The following RC3H2 variants were observed in gnomAD, a reference collection of about 807,000 sequenced individuals.
RC3H2 encodes the protein roquin-2.
RC3H2 carries 31 observed loss-of-function variants against 133.3 expected under a neutral mutation model. That is an observed-to-expected ratio of 0.23 (90% CI 0.17 to 0.31). The LOEUF (loss-of-function observed/expected upper bound fraction) is 0.31. Among genes scored for constraint, RC3H2 ranks in the 10% least tolerant of loss-of-function variants. RC3H2 has a pLI of 1.00. For missense variants in RC3H2, 1,175 were observed against 1,437.2 expected (o/e 0.82, Z 2.95); for synonymous variants, 517 against 502.2 (o/e 1.03, Z -0.40).
chr9:122,890,691 CTGTT>C (rs1463129912), intron 3 of RC3H2, 146 bp from the exon 4 acceptor site: 5 of 643,818 alleles, frequency 7.8e-6, no homozygotes, highest in Non-Finnish European at 1.3e-5. Flanking sequence ...TATTCTGTCT[CTGTT>C]TGTTATTATT....
In RC3H2 at chr9:122,858,994, G is replaced by C. The variant is rs373218840; in HGVS notation, c.1958C>G (p.Pro653Arg). The change falls in exon 12 of 21, where the codon CCA becomes CGA. Residue 653 changes from proline (P) to arginine (R), a missense_variant. Coordinates refer to ENST00000357244, the MANE Select transcript of RC3H2 (RefSeq NM_001100588.3). ...PESSLPPASM[P>R]YADHYSTFSP... ...AAATGTACTGTAATGATCGGCATATGGCATGGAAGCAGGTGGGAGGGAGGA... is the reference window on the plus strand; with the variant it reads ...AAATGTACTGTAATGATCGGCATATCGCATGGAAGCAGGTGGGAGGGAGGA... 1.6e-5 allele frequency: 26 copies of C among 1,614,124 alleles called. No homozygotes were observed. The highest frequency in any genetic ancestry group is 2.1e-5 in the Non-Finnish European group (25 of 1,179,964).
intron 9 of RC3H2, chr9:122,874,847 T>C (rs922945043): frequency 1.5e-5 from 3 of 196,900 alleles, no homozygotes; most frequent in Admixed American, 5.5e-5. Context: ...ACTGCTACTA[T>C]TACAAGTCTG....
intron 4 of RC3H2, among the ~76,000 whole-genome samples, chr9:122,886,044 T>G (rs567507516): frequency 1.3e-5 from 2 of 152,268 alleles, no homozygotes; most frequent in East Asian, 3.9e-4. Context: ...TGCACCACCA[T>G]GCCCAGCTAA....
intron 8 of RC3H2, among the ~76,000 whole-genome samples, chr9:122,878,165 T>G (rs1313982810): frequency 6.6e-6 from 1 of 152,170 alleles, no homozygotes; most frequent in Non-Finnish European, 1.5e-5. Flanking sequence ...TGAAAACATT[T>G]GTTTTTAATA....
At chr9:122,899,370 G>A (rs1003165806) in intron 1 of RC3H2, among the ~76,000 whole-genome samples, 2 of 151,994 alleles carry the variant, frequency 1.3e-5, no homozygotes, top group South Asian at 2.1e-4. Context: ...GATTGCAGGC[G>A]TGAGCCACCG....
chr9:122,852,472 G>A (rs929088550), intron 18 of RC3H2, among the ~76,000 whole-genome samples: 4 of 138,960 alleles, frequency 2.9e-5, no homozygotes, highest in African/African-American at 5.4e-5. Context: ...CTGCCCGGCC[G>A]CCCCTACTGG....
At position 122,865,431 on chromosome 9, in the gene RC3H2, G is replaced by C. The variant is rs1332923655; in HGVS notation, c.1552C>G (p.Leu518Val). 1.9e-6 allele frequency: 3 copies of C among 1,614,090 alleles called. No individual in the cohort carries two copies. In the East Asian group the frequency reaches 6.7e-5, roughly 36 times the overall value. ...SRSTDSTLRALETVKKVGKVG... is the reference protein window; with the variant it reads ...SRSTDSTLRAVETVKKVGKVG... ...TTTCCCACTTTCTTCACGGTCTCCAGAGCTCTTAAGGTACTGTCAGTACTA... is the reference window on the plus strand; with the variant it reads ...TTTCCCACTTTCTTCACGGTCTCCACAGCTCTTAAGGTACTGTCAGTACTA... Residue 518 changes from leucine (L) to valine (V), a missense_variant, in exon 10 of 21, where the codon CTG becomes GTG. Physicochemically the swap from Leu to Val is conservative, Grantham distance 32. Transcript: ENST00000357244.
chr9:122,894,367 G>A (rs1039085650), intron 2 of RC3H2, among the ~76,000 whole-genome samples: 5 of 152,120 alleles, frequency 3.3e-5, no homozygotes, highest in African/African-American at 1.2e-4. Context: ...GAGCAAAACA[G>A]ACAAAATGTT....
intron 10 of RC3H2, among the ~76,000 whole-genome samples, chr9:122,861,430 T>C (rs1830450519): frequency 7.0e-6 from 1 of 143,088 alleles, no homozygotes; most frequent in Non-Finnish European, 1.5e-5. Flanking sequence ...GCGGAGGTTG[T>C]GGTGAGCCGA....
At chr9:122,859,252 C>CTTTTTTTTTTTTTTTTTTTTTTTTT (rs10608695) in intron 11 of RC3H2, 150 bp from the exon 12 acceptor site, 1 of 179,744 alleles carries the variant, frequency 5.6e-6, no homozygotes, top group African/African-American at 4.9e-5. Flanking sequence ...TATACCCTGG[C>CTTTTTTTTTTTTTTTTTTTTTTTTT]TTTTTTTTTT....
Position 122,854,257 on chromosome 9 carries a change from G to C in RC3H2, c.2910C>G (p.Phe970Leu). 1 of 1,611,372 alleles carries C rather than the reference G, an allele frequency of 6.2e-7. No homozygotes were observed. The highest frequency in any genetic ancestry group is 8.5e-7 in the Non-Finnish European group (1 of 1,178,366). ...SSAHYVERDR[F>L]IVTDLSGHRK... ...TATGACCAGATAAATCAGTAACAAT[G>C]AATCTGTCCCTTTAAAGAGAAATAT... Residue 970 changes from phenylalanine (F) to leucine (L), a missense_variant, in exon 17 of 21, where the codon TTC becomes TTG. Around this residue, in one of 8 missense-constraint regions of RC3H2, gnomAD observed 138 missense variants for 215.0 expected, o/e 0.64. Transcript: ENST00000357244.
In RC3H2 at chr9:122,854,562, C is replaced by T. The variant is rs1281614646; in HGVS notation, c.2869G>A (p.Glu957Lys). ...VDSRWSSYGN[E>K]ATSSAHYVER... ...ACATAGTGTGCTGATGATGTGGCCT[C>T]GTTGCCATATGAACTCCACCTTGAA... The change falls in exon 16 of 21, where the codon GAG (glutamate) becomes AAG (lysine). Residue 957 changes from glutamate to lysine, a missense_variant. Glu to Lys is a moderately conservative substitution (Grantham distance 56). Transcript: ENST00000357244. 1.4e-5 allele frequency: 22 copies of T among 1,613,366 alleles called. No homozygotes were observed. Among genetic ancestry groups the T allele is most frequent in the East Asian group, 2.2e-5 (1 of 44,874 alleles).
rs749091485 is a variant in RC3H2, at chr9:122,865,585, G to C, written c.1398C>G (p.Asn466Lys). 3.7e-6 allele frequency: 6 copies of C among 1,613,992 alleles called. No homozygotes were observed. The highest frequency in any genetic ancestry group is 1.6e-4 in the Middle Eastern group (1 of 6,084). The change falls in exon 10 of 21, where the codon AAC becomes AAG. Residue 466 changes from asparagine to lysine, a missense_variant. By Grantham distance (94) the Asn-to-Lys change is moderately conservative. Around this residue, in one of 8 missense-constraint regions of RC3H2, gnomAD observed 490 missense variants for 492.8 expected, o/e 0.99. Transcript: ENST00000357244. The stretch of plus-strand genomic sequence containing the variant: ...TTCCGGCTGTGGTTGTGACAGTGTT[G>C]TTTACACCAACTTTATTTAGAAGAG... Reference protein sequence around the residue: ...TFPLLNKVGVNNTVTTTAGNV... With the variant: ...TFPLLNKVGVKNTVTTTAGNV...
chr9:122,874,933 G>T (rs778330024), intron 9 of RC3H2: 25 of 427,996 alleles, frequency 5.8e-5, no homozygotes, highest in Non-Finnish European at 9.5e-5. Flanking sequence ...TGAGAAAGAA[G>T]AAAATGGATT....
At chr9:122,880,324 G>T in intron 6 of RC3H2, 199 bp from the exon 7 acceptor site, 1 of 816,942 alleles carries the variant, frequency 1.2e-6, no homozygotes, top group South Asian at 1.4e-5. Flanking sequence ...AAACTTATAA[G>T]CTGTATTAAC....
rs1052546523 is a variant in RC3H2 at position 122,860,037 on chromosome 9, G to C, written c.1729C>G (p.Gln577Glu). ...NVGTELNSVP[Q>E]KSSPFLTRVP... ...CTAGTTAGAAATGGGCTGGATTTTT[G>C]AGGCACAGAATTCAGCTCTGTTCCA... Residue 577 changes from glutamine (Q) to glutamate (E), a missense_variant, in exon 11 of 21, where the codon CAA (glutamine) becomes GAA (glutamate). By Grantham distance (29) the Gln-to-Glu change is conservative. Around this residue, in one of 8 missense-constraint regions of RC3H2, gnomAD observed 490 missense variants for 492.8 expected, o/e 0.99. Transcript: ENST00000357244. 5 of 1,614,032 alleles carry C rather than the reference G, an allele frequency of 3.1e-6. No individual in the cohort carries two copies. The highest frequency in any genetic ancestry group is 3.4e-6 in the Non-Finnish European group (4 of 1,179,974).
At chr9:122,862,790 G>A (rs1190511883) in intron 10 of RC3H2, among the ~76,000 whole-genome samples, 1 of 151,480 alleles carries the variant, frequency 6.6e-6, no homozygotes, top group Non-Finnish European at 1.5e-5. Context: ...AGCTACTTAG[G>A]AGGCTGAGGC....
rs10985803 is a variant in RC3H2 at position 122,868,867 on chromosome 9, G to A, written c.1326-3210C>T. On this transcript the variant is annotated intron_variant, in intron 9 of 20. Transcript: ENST00000357244. ...TGTGTGTGTGTGTGTGTGTGTGTGTGTGTGTGTGTGTGTGTGTGTGTGTAT... is the reference window on the plus strand; with the variant it reads ...TGTGTGTGTGTGTGTGTGTGTGTGTATGTGTGTGTGTGTGTGTGTGTGTAT... Among the ~76,000 whole-genome samples the A allele has an allele frequency of 9.0e-4, 55 of 61,412 alleles. 3 individuals are homozygous for A. Among genetic ancestry groups the A allele is most frequent in the East Asian group, 4.1e-3 (12 of 2,924 alleles). The allele number at this position is 61,412 out of a possible 152,430, so 40.3% of individuals were successfully genotyped here.
At chr9:122,875,072 G>A in intron 9 of RC3H2, 4 of 1,224,832 alleles carry the variant, frequency 3.3e-6, no homozygotes, top group Non-Finnish European at 4.3e-6. Flanking sequence ...TGGACAAGCT[G>A]AATGTATTTC....
Sources: allele counts gnomAD v4.1 joint callset (sites outside exome capture counted in the v4.1 genomes callset), GRCh38; gene constraint gnomAD v4.1.1; regional missense constraint gnomAD v4.1.1; transcripts MANE v1.5; gene names NCBI Gene and HGNC (gene_info 2026-07-23, HGNC 2026-07-21).